BIRC6: variants seen among roughly 807,000 people sequenced by gnomAD.
BIRC6 encodes the protein dual E2 ubiquitin-conjugating enzyme/E3 ubiquitin-protein ligase BIRC6.
In BIRC6, 98 loss-of-function variants were observed where a neutral mutation model predicts 503.3. The ratio of observed to expected loss-of-function variants is 0.19; its 90% CI spans 0.17 to 0.23. The LOEUF is 0.23. Among genes scored for constraint, BIRC6 ranks in the 10% least tolerant of loss-of-function variants. BIRC6 has a pLI of 1.00. For missense variants in BIRC6, 5,360 were observed against 5,806.0 expected (o/e 0.92, Z 2.50); for synonymous variants, 2,240 against 2,078.7 (o/e 1.08, Z -2.11).
chr2:32,541,249 AAAAT>A (rs2057640918), intron 61 of BIRC6, among the ~76,000 whole-genome samples: 1 of 152,110 alleles, frequency 6.6e-6, no homozygotes, highest in Non-Finnish European at 1.5e-5. Flanking sequence ...AAAGGGTTTC[AAAAT>A]GGTTTAGAAG....
At chr2:32,414,187 G>T (rs1011002019) in intron 9 of BIRC6, among the ~76,000 whole-genome samples, 1 of 152,158 alleles carries the variant, frequency 6.6e-6, no homozygotes, top group Non-Finnish European at 1.5e-5. Flanking sequence ...TGAGGCAGGA[G>T]AATTGCTTGA....
In BIRC6 at chr2:32,425,302, CA is replaced by C. The variant is rs1382176084; in HGVS notation, c.2873-3843del. 3.9e-5 allele frequency among the ~76,000 whole-genome samples: 6 copies of C among 152,010 alleles called. No homozygotes were observed. The East Asian group carries it at 1.2e-3, about 29-fold the overall frequency. On this transcript the variant is annotated intron_variant, in intron 10 of 73. Transcript: ENST00000421745. ...TGTTGATAATCTTACATTCATACAT[CA>C]TTTTCCTGTTTTTCTTTAGTTTTTG...
At position 32,367,005 on chromosome 2, in the gene BIRC6, A is replaced by G. The variant is rs139690423; in HGVS notation, c.325+9519A>G. Among the ~76,000 whole-genome samples the G allele has an allele frequency of 3.3e-5, 5 of 152,314 alleles. No individual in the cohort carries two copies. The East Asian group carries it at 9.6e-4, about 29-fold the overall frequency. ...CTTTCTAAACATAGAAATTTTTTGC[A>G]TACTGTAGAACTGTAGCACTTCAAA... On this transcript the variant is annotated intron_variant, in intron 1 of 73. Transcript: ENST00000421745.
Position 32,441,361 on chromosome 2 carries a change from A to G in BIRC6, c.3843A>G (p.Thr1281=). 1.3e-6 allele frequency: 2 copies of G among 1,594,868 alleles called. No homozygotes were observed. The highest frequency in any genetic ancestry group is 1.7e-6 in the Non-Finnish European group (2 of 1,164,894). ...EKSSNVKNEN[T]SGTRKSENLR... Reference sequence around the variant, plus strand: ...CATCTAATGTTAAGAATGAAAATACAAGTGGCACCCGTAAATCTGAAAACC... The same window carrying G: ...CATCTAATGTTAAGAATGAAAATACGAGTGGCACCCGTAAATCTGAAAACC... The change falls in exon 17 of 74, where the codon ACA becomes ACG. Residue 1281 remains threonine (T), a synonymous_variant. Transcript: ENST00000421745.
At chr2:32,581,958 G>A (rs1317868976) in intron 66 of BIRC6, among the ~76,000 whole-genome samples, 1 of 152,098 alleles carries the variant, frequency 6.6e-6, no homozygotes, top group Non-Finnish European at 1.5e-5. Context: ...CGCCTCCTGG[G>A]TTCAAGCAAT....
rs959166756 is a variant in BIRC6, at chr2:32,487,654, G to A, written c.7821G>A (p.Gln2607=). The A allele has an allele frequency of 2.5e-6, 4 of 1,612,954 alleles. No individual in the cohort carries two copies. In the East Asian group the frequency reaches 8.9e-5, roughly 36 times the overall value. ...CTTGTGTTTAATTTTCAGTATCACA[G>A]TCTCCCACTGGAACAGATGATTCAC... The part of the protein sequence containing the change: ...ALTNTSPTLS[Q]SPTGTDDSLL... The change falls in exon 41 of 74, where the codon CAG becomes CAA. Residue 2607 remains glutamine, a synonymous_variant. Transcript: ENST00000421745.
At chr2:32,422,671 G>A (rs1243463661) in intron 10 of BIRC6, among the ~76,000 whole-genome samples, 1 of 151,986 alleles carries the variant, frequency 6.6e-6, no homozygotes, top group Admixed American at 6.6e-5. Context: ...TATTGATTTT[G>A]CTTGTTTTTG....
intron 26 of BIRC6, among the ~76,000 whole-genome samples, chr2:32,466,319 C>T (rs2048536621): frequency 6.6e-6 from 1 of 152,084 alleles, no homozygotes; most frequent in Non-Finnish European, 1.5e-5. Flanking sequence ...TGAACTTATT[C>T]TTGTAATGTG....
At chr2:32,447,481 G>A (rs1308898377) in intron 21 of BIRC6, among the ~76,000 whole-genome samples, 50 of 138,964 alleles carry the variant, frequency 3.6e-4, no homozygotes, top group Admixed American at 1.4e-3. Flanking sequence ...GCGGGGGGCT[G>A]ATCCCCCCAC....
chr2:32,447,270 C>T (rs1471089864), intron 21 of BIRC6, among the ~76,000 whole-genome samples: 270 of 148,902 alleles, frequency 1.8e-3, no homozygotes, highest in Non-Finnish European at 1.1e-3. Flanking sequence ...CCGCTGGGCA[C>T]ACCTCCCAGA....
chr2:32,484,193 T>G (rs1429876841), intron 39 of BIRC6, among the ~76,000 whole-genome samples: 1 of 152,084 alleles, frequency 6.6e-6, no homozygotes, highest in East Asian at 1.9e-4. Flanking sequence ...AAAAGTTTTT[T>G]GGGGGCTGGG....
intron 1 of BIRC6, among the ~76,000 whole-genome samples, chr2:32,376,259 A>G (rs1312359457): frequency 6.6e-6 from 1 of 152,004 alleles, no homozygotes; most frequent in African/African-American, 2.4e-5. Flanking sequence ...CCAATTAACA[A>G]TTGAGAGATG....
intron 72 of BIRC6, 100 bp from the exon 73 acceptor site, chr2:32,611,348 A>G (rs910784586): frequency 4.2e-6 from 3 of 706,780 alleles, no homozygotes; most frequent in Non-Finnish European, 4.0e-6. Context: ...AATTATTTAA[A>G]TGTATTTATA....
At position 32,473,245 on chromosome 2, in the gene BIRC6, T is replaced by G. The variant is rs2049303270; in HGVS notation, c.6720+6T>G. 1.3e-6 allele frequency: 2 copies of G among 1,518,170 alleles called. No homozygotes were observed. Among genetic ancestry groups the G allele is most frequent in the Non-Finnish European group, 1.8e-6 (2 of 1,133,884 alleles). The allele number at this position is 1,518,170 out of a possible 1,614,324, so 94.0% of individuals were successfully genotyped here. A position where few individuals can be genotyped will look rare whatever the true frequency, so the allele number is the denominator to read the frequency against. Reference sequence around the variant, plus strand: ...AGCTTGTTCATCATAAACAGGTAATTGTCAATATATTTAAAAATTTTTAAT... The same window carrying G: ...AGCTTGTTCATCATAAACAGGTAATGGTCAATATATTTAAAAATTTTTAAT... On this transcript the variant is annotated splice_donor_region_variant and intron_variant, in intron 33 of 73. Coordinates refer to ENST00000421745, the MANE Select transcript of BIRC6 (RefSeq NM_016252.4).
rs1480553330 is a variant in BIRC6 at position 32,543,477 on chromosome 2, A to G, written c.12528A>G (p.Lys4176=). 3 of 1,613,916 alleles carry G rather than the reference A, an allele frequency of 1.9e-6. No homozygotes were observed. Among genetic ancestry groups the G allele is most frequent in the Non-Finnish European group, 2.5e-6 (3 of 1,179,896 alleles). Reference sequence around the variant, plus strand: ...CGGGCTATGCGGAAGTGCTACTGAAAGAGAGAAAACATGCCCAGTGCCTTC... The same window carrying G: ...CGGGCTATGCGGAAGTGCTACTGAAGGAGAGAAAACATGCCCAGTGCCTTC... The part of the protein sequence containing the change: ...RLPGYAEVLL[K]ERKHAQCLLR... The change falls in exon 62 of 74, where the codon AAA becomes AAG. Residue 4176 remains lysine, a synonymous_variant. Transcript: ENST00000421745.
intron 1 of BIRC6, among the ~76,000 whole-genome samples, chr2:32,367,183 CT>C (rs2035064238): frequency 7.9e-3 from 1 of 126 alleles, no homozygotes; most frequent in Admixed American, 0.083. Context: ...AGTCTGTGGC[CT>C]GGGCATGGTG....
rs182568207 is a variant in BIRC6 at position 32,469,222 on chromosome 2, T to A, written c.6128-173T>A. 1.1e-4 allele frequency among the ~76,000 whole-genome samples: 16 copies of A among 152,314 alleles called. No homozygotes were observed. The East Asian group carries it at 2.7e-3, about 26-fold the overall frequency. On this transcript the variant is annotated intron_variant, in intron 29 of 73. Transcript: ENST00000421745. ...TTTACTTAAGTGCTAAATATTTTCG[T>A]CTCCAAGTATGTAACAGATTTCTAC...
In BIRC6 at chr2:32,503,190, T is replaced by C; in HGVS notation, c.9453T>C (p.Ala3151=). The change falls in exon 49 of 74, where the codon GCT becomes GCC. Residue 3151 remains alanine (A), a synonymous_variant. Coordinates refer to ENST00000421745, the MANE Select transcript of BIRC6 (RefSeq NM_016252.4). The part of the protein sequence containing the change: ...VDSTLKTRIL[A]SEPDNAEGIH... ...GCACATTGAAAACAAGAATACTAGC[T>C]TCTGAGCCTGACAATGCTGAAGGGA... The C allele has an allele frequency of 6.2e-7, 1 of 1,613,038 alleles. No individual in the cohort carries two copies. The highest frequency in any genetic ancestry group is 8.5e-7 in the Non-Finnish European group (1 of 1,179,568).
chr2:32,531,325 C>T (rs376696169), intron 60 of BIRC6, 30 bp from the exon 61 acceptor site: 8 of 1,539,980 alleles, frequency 5.2e-6, no homozygotes, highest in Middle Eastern at 1.7e-4. Context: ...CCTTTCTTAC[C>T]TATTCAGTTA....
Sources: gnomAD v4.1 joint callset for allele counts (sites outside exome capture counted in the v4.1 genomes callset) on GRCh38, gnomAD v4.1.1 for gene constraint, MANE v1.5 for transcripts, NCBI Gene and HGNC (gene_info 2026-07-23, HGNC 2026-07-21) for gene names.